Variants in CD209 observed in about 807,000 individuals in gnomAD.
CD209 encodes the protein CD209 molecule.
A neutral mutation model predicts 44.7 loss-of-function variants in CD209; 31 were observed. The ratio of observed to expected loss-of-function variants is 0.69; its 90% CI spans 0.52 to 0.94. CD209 has a LOEUF of 0.94. CD209 is among the 40% of genes least tolerant of loss of function. The pLI, the probability that CD209 is intolerant of heterozygous loss-of-function variation, is 0.00. For synonymous variants in CD209, 173 were observed against 181.3 expected (o/e 0.95, Z 0.37); for missense variants, 407 against 452.4 (o/e 0.90, Z 0.91).
chr19:7,747,431 C>T (rs199996214), intron 1 of CD209, 35 bp downstream of exon 1: 2 of 1,614,248 alleles, frequency 1.2e-6, no homozygotes, highest in East Asian at 4.5e-5. Context: ...TCCCTTCCCC[C>T]TTCCCAGAAT....
rs773931530 is a variant in CD209 at position 7,743,054 on chromosome 19, G to C, written c.1200C>G (p.Asn400Lys). The C allele has an allele frequency of 9.3e-6, 15 of 1,610,566 alleles. No individual in the cohort carries two copies. Among genetic ancestry groups the C allele is most frequent in the Non-Finnish European group, 1.3e-5 (15 of 1,178,438 alleles). The change falls in exon 7 of 7, where the codon AAC becomes AAG. Residue 400 changes from asparagine (N) to lysine (K), a missense_variant. Asn to Lys is a moderately conservative substitution (Grantham distance 94). Coordinates refer to ENST00000315599, the MANE Select transcript of CD209 (RefSeq NM_021155.4). ...TGAAGTTCTGCTACGCAGGAGGGGG[G>C]TTTGGGGTGGCAGGGGCTGGAGAAA... ...QFLSPAPATPNPPPA is the reference protein window; with the variant it reads ...QFLSPAPATPKPPPA
Position 7,742,043 on chromosome 19 carries a change from A to C in CD209, c.*996T>G. ...GTGCAGCCGCAGTGAGAACGGCCGG[A>C]GCCGTCACAGCCGGAGCCAAAGCTC... On this transcript the variant is annotated 3_prime_UTR_variant, in exon 7 of 7. Coordinates refer to ENST00000315599, the MANE Select transcript of CD209 (RefSeq NM_021155.4). 3.4e-6 allele frequency: 1 copy of C among 292,062 alleles called. No homozygotes were observed. The highest frequency in any genetic ancestry group is 7.0e-6 in the Non-Finnish European group (1 of 142,262). 18.1% of individuals were successfully genotyped at this position (292,062 alleles called of 1,614,324 possible).
Position 7,741,246 on chromosome 19 carries a change from C to A in CD209, c.*1793G>T. 2 of 490,742 alleles carry A rather than the reference C, an allele frequency of 4.1e-6. No homozygotes were observed. The highest frequency in any genetic ancestry group is 2.8e-5 in the South Asian group (1 of 35,202). 30.4% of individuals were successfully genotyped at this position (490,742 alleles called of 1,614,324 possible). ...CAGCACTTTGGGAGGACGCGGCGGG[C>A]GAATCACGAGGTCAAGAGATCGAGA... On this transcript the variant is annotated 3_prime_UTR_variant, in exon 7 of 7. Transcript: ENST00000315599.
rs777630430 is a variant in CD209 at position 7,745,291 on chromosome 19, G to A, written c.749-199C>T. Among the ~76,000 whole-genome samples, 64 of 152,286 alleles carry A rather than the reference G, an allele frequency of 4.2e-4. 1 individual carries two copies. The highest frequency in any genetic ancestry group is 1.8e-3 in the Admixed American group (27 of 15,300). ...TCCTGGCCCCATCTCCTCCAGACTA[G>A]GAGAAGTTGGGGCTTTAGAACTCAG... is the stretch of plus-strand genomic sequence containing the variant. On this transcript the variant is annotated intron_variant, in intron 4 of 6. Transcript: ENST00000315599.
In CD209 at chr19:7,744,144, T is replaced by C; in HGVS notation, c.976A>G (p.Thr326Ala). The change falls in exon 6 of 7, where the codon ACG becomes GCG. Residue 326 changes from threonine (T) to alanine (A), a missense_variant. Transcript: ENST00000315599. ...GGTGAGCCGTCCACCCATTGCCACG[T>C]GCCTTCCTGATTTAGATCTGAAAGT... ...MGLSDLNQEG[T>A]WQWVDGSPLL... 6.2e-7 allele frequency: 1 copy of C among 1,614,202 alleles called. No homozygotes were observed. The highest frequency in any genetic ancestry group is 8.5e-7 in the Non-Finnish European group (1 of 1,180,006).
rs1345667215 is a variant in CD209, at chr19:7,745,055, G to A, written c.786C>T (p.Phe262=). The A allele has an allele frequency of 1.2e-6, 2 of 1,614,248 alleles. No individual in the cohort carries two copies. Among genetic ancestry groups the A allele is most frequent in the African/African-American group, 1.3e-5 (1 of 75,068 alleles). ...LCHPCPWEWT[F]FQGNCYFMSN... is the part of the protein sequence containing the mutation. ...ACATGAAGTAACAGTTTCCTTGGAA[G>A]AATGTCCATTCCCAGGGACAGGGGT... Residue 262 remains phenylalanine (F), a synonymous_variant, in exon 5 of 7, where the codon TTC becomes TTT. Transcript: ENST00000315599.
chr19:7,743,385 G>T, intron 6 of CD209, 145 bp from the exon 7 acceptor site: 1 of 731,804 alleles, frequency 1.4e-6, no homozygotes, highest in South Asian at 1.6e-5. Context: ...TAATATGCCT[G>T]ACTCACGATG....
In CD209 at chr19:7,740,222, TAACTC is replaced by T. The variant is rs901969376; in HGVS notation, c.*2812_*2816del. On this transcript the variant is annotated 3_prime_UTR_variant, in exon 7 of 7. Coordinates refer to ENST00000315599, the MANE Select transcript of CD209 (RefSeq NM_021155.4). ...ATCATGCCACGTGGTGTCCACTTCTTAACTCAGTCCCTGTTCCTCGGTCTGAGCAC... is the reference window on the plus strand; with the variant it reads ...ATCATGCCACGTGGTGTCCACTTCTTAGTCCCTGTTCCTCGGTCTGAGCAC... The T allele has an allele frequency of 1.4e-5, 5 of 366,676 alleles. No homozygotes were observed. Among genetic ancestry groups the T allele is most frequent in the African/African-American group, 8.4e-5 (4 of 47,472 alleles). The allele number at this position is 366,676 out of a possible 1,614,324, so 22.7% of individuals were successfully genotyped here. A position where few individuals can be genotyped will look rare whatever the true frequency, so the allele number is the denominator to read the frequency against.
chr19:7,746,960 G>A (rs1184217479), intron 2 of CD209, among the ~76,000 whole-genome samples: 1 of 151,044 alleles, frequency 6.6e-6, no homozygotes, highest in Admixed American at 6.6e-5. Flanking sequence ...CAGGTCCCAG[G>A]AACCCAGGCC....
At chr19:7,743,519 G>A (rs1354649525) in intron 6 of CD209, among the ~76,000 whole-genome samples, 1 of 152,022 alleles carries the variant, frequency 6.6e-6, no homozygotes, top group African/African-American at 2.4e-5. Flanking sequence ...GCCTTACTGG[G>A]CTCTTGTACT....
chr19:7,742,951 A>G lies in CD209; in HGVS notation c.*88T>C. 4.7e-6 allele frequency: 5 copies of G among 1,060,316 alleles called. No individual in the cohort carries two copies. The South Asian group carries it at 6.8e-5, about 14-fold the overall frequency. The allele number at this position is 1,060,316 out of a possible 1,614,324, so 65.7% of individuals were successfully genotyped here. Reference sequence around the variant, plus strand: ...TGGGACCCAGCCTTCTAAAGGAGGAAGAATCTGACAAAGAACAGTCCCAGA... The same window carrying G: ...TGGGACCCAGCCTTCTAAAGGAGGAGGAATCTGACAAAGAACAGTCCCAGA... On this transcript the variant is annotated 3_prime_UTR_variant, in exon 7 of 7. Transcript: ENST00000315599.
chr19:7,744,885 C>T, intron 5 of CD209, 56 bp downstream of exon 5: 3 of 1,600,792 alleles, frequency 1.9e-6, no homozygotes, highest in Non-Finnish European at 2.6e-6. Flanking sequence ...GCACCTCCTC[C>T]CCAGTTGGCC....
chr19:7,743,120 T>C lies in CD209; in HGVS notation c.1134A>G (p.Lys378=), dbSNP rs771506047. ...CCCTGGAGCAGGAGGCTGCGGACTT[T>C]TTGCAGATCCAGAATTTGGCAAGAT... ...KCNLAKFWIC[K]KSAASCSRDE... is the part of the protein sequence containing the mutation. Residue 378 remains lysine, a synonymous_variant, in exon 7 of 7, where the codon AAA becomes AAG. Coordinates refer to ENST00000315599, the MANE Select transcript of CD209 (RefSeq NM_021155.4). The C allele has an allele frequency of 6.2e-7, 1 of 1,614,154 alleles. No homozygotes were observed. Among genetic ancestry groups the C allele is most frequent in the Non-Finnish European group, 8.5e-7 (1 of 1,180,028 alleles).
chr19:7,740,441 G>C lies in CD209; in HGVS notation c.*2598C>G, dbSNP rs1013736791. On this transcript the variant is annotated 3_prime_UTR_variant, in exon 7 of 7. Transcript: ENST00000315599. ...TATAAAGGATACAACTAGAGGGGCG[G>C]GGCGGTGCCGGCAAGATGGCTGCGC... is the stretch of plus-strand genomic sequence containing the variant. 7.0e-6 allele frequency: 5 copies of C among 712,748 alleles called. No individual in the cohort carries two copies. The African/African-American group carries it at 8.8e-5, about 13-fold the overall frequency. 44.2% of individuals were successfully genotyped at this position (712,748 alleles called of 1,614,324 possible). A position where few individuals can be genotyped will look rare whatever the true frequency, so the allele number is the denominator to read the frequency against.
intron 5 of CD209, 151 bp downstream of exon 5, chr19:7,744,790 G>C (rs781659286): frequency 9.1e-7 from 1 of 1,098,486 alleles, no homozygotes; most frequent in South Asian, 1.6e-5. Context: ...CTGCTCTAAG[G>C]GTACTTGAGA....
chr19:7,742,046 C>T lies in CD209; in HGVS notation c.*993G>A, dbSNP rs1229192272. On this transcript the variant is annotated 3_prime_UTR_variant, in exon 7 of 7. Coordinates refer to ENST00000315599, the MANE Select transcript of CD209 (RefSeq NM_021155.4). ...CAGCCGCAGTGAGAACGGCCGGAGC[C>T]GTCACAGCCGGAGCCAAAGCTCCTC... The T allele has an allele frequency of 3.5e-6, 1 of 283,874 alleles. No individual in the cohort carries two copies. The highest frequency in any genetic ancestry group is 7.3e-6 in the Non-Finnish European group (1 of 137,498). The allele number at this position is 283,874 out of a possible 1,614,324, so 17.6% of individuals were successfully genotyped here.
chr19:7,741,920 G>T lies in CD209; in HGVS notation c.*1119C>A, dbSNP rs563655029. Reference sequence around the variant, plus strand: ...TTCCTACAAAAGAAATGGGGAATCCGAAAGGAAAAGGAAGAAATCTCACTA... The same window carrying T: ...TTCCTACAAAAGAAATGGGGAATCCTAAAGGAAAAGGAAGAAATCTCACTA... On this transcript the variant is annotated 3_prime_UTR_variant, in exon 7 of 7. Coordinates refer to ENST00000315599, the MANE Select transcript of CD209 (RefSeq NM_021155.4). 4.0e-5 allele frequency: 17 copies of T among 421,460 alleles called. No homozygotes were observed. Among genetic ancestry groups the T allele is most frequent in the Non-Finnish European group, 6.5e-5 (14 of 214,174 alleles). 26.1% of individuals were successfully genotyped at this position (421,460 alleles called of 1,614,324 possible).
At chr19:7,744,884 C>T (rs569586705) in intron 5 of CD209, 57 bp downstream of exon 5, 4 of 1,600,412 alleles carry the variant, frequency 2.5e-6, no homozygotes, top group South Asian at 2.2e-5. Context: ...AGCACCTCCT[C>T]CCCAGTTGGC....
rs2090470775 is a variant in CD209 at position 7,742,753 on chromosome 19, A to G, written c.*286T>C. ...TAACGCCCCAGGGGACATAGCAGCT[A>G]CACATGGCAACCCAAATATCCTAAT... On this transcript the variant is annotated 3_prime_UTR_variant, in exon 7 of 7. Transcript: ENST00000315599. 2.0e-6 allele frequency: 1 copy of G among 494,334 alleles called. No individual in the cohort carries two copies. 30.6% of individuals were successfully genotyped at this position (494,334 alleles called of 1,614,324 possible).
Sources: allele counts gnomAD v4.1 joint callset (sites outside exome capture counted in the v4.1 genomes callset), GRCh38; gene constraint gnomAD v4.1.1; transcripts MANE v1.5; gene names NCBI Gene and HGNC (gene_info 2026-07-23, HGNC 2026-07-21).